NPAS3: variants seen among roughly 807,000 people sequenced by gnomAD.
The protein encoded by NPAS3 is neuronal PAS domain-containing protein 3.
In NPAS3, 14 loss-of-function variants were observed where a neutral mutation model predicts 73.1. That is an observed-to-expected ratio of 0.19 (90% CI 0.13 to 0.30). The LOEUF (loss-of-function observed/expected upper bound fraction) is 0.30, where lower values mean the gene tolerates loss of function less well. NPAS3 is among the 10% of genes least tolerant of loss of function. The pLI is 1.00. For missense variants in NPAS3, 1,096 were observed against 1,250.0 expected, an observed-to-expected ratio of 0.88 and a Z score of 1.86; for synonymous variants, 620 against 541.5, an observed-to-expected ratio of 1.14 and a Z score of -2.01.
At chr14:33,777,410 T>A (rs1256585208) in intron 8 of NPAS3, among the ~76,000 whole-genome samples, 2 of 152,064 alleles carry the variant, frequency 1.3e-5, no homozygotes, top group African/African-American at 4.8e-5. Flanking sequence ...GTAATATATT[T>A]TAATTATGTT....
At position 33,125,224 on chromosome 14, in the gene NPAS3, T is replaced by A. The variant is rs559801045; in HGVS notation, c.140+69230T>A. Among the ~76,000 whole-genome samples the A allele has an allele frequency of 2.0e-5, 3 of 152,156 alleles. No individual in the cohort carries two copies. In the South Asian group the frequency reaches 6.2e-4, roughly 32 times the overall value. Reference sequence around the variant, plus strand: ...GAAATTAATGGATTAATGAAGGAATTAAGTTTATTAATAATTTTTATAAGC... The same window carrying A: ...GAAATTAATGGATTAATGAAGGAATAAAGTTTATTAATAATTTTTATAAGC... On this transcript the variant is annotated intron_variant, in intron 2 of 11. Coordinates refer to ENST00000356141, the Ensembl canonical transcript of NPAS3.
chr14:33,143,839 T>A (rs2044145966), intron 2 of NPAS3, among the ~76,000 whole-genome samples: 1 of 152,240 alleles, frequency 6.6e-6, no homozygotes, highest in South Asian at 2.1e-4. Flanking sequence ...TGTGTCTGGT[T>A]TCTTTCACTG....
intron 7 of NPAS3, among the ~76,000 whole-genome samples, chr14:33,747,987 C>A (rs1222047196): frequency 1.3e-5 from 2 of 152,180 alleles, no homozygotes; most frequent in African/African-American, 4.8e-5. Context: ...CTTAACACAA[C>A]CTGACACTGT....
intron 2 of NPAS3, among the ~76,000 whole-genome samples, chr14:33,160,124 CTT>C (rs1425611347): frequency 1.3e-5 from 2 of 152,014 alleles, no homozygotes; most frequent in African/African-American, 4.8e-5. Context: ...TTTTTTCAAT[CTT>C]TGCAGGATAA....
intron 7 of NPAS3, among the ~76,000 whole-genome samples, chr14:33,759,664 A>G (rs2062222178): frequency 6.6e-6 from 1 of 152,244 alleles, no homozygotes; most frequent in Admixed American, 6.5e-5. Context: ...AAATGTATCT[A>G]GTAAAAAGAG....
At chr14:33,303,652 A>G (rs1168824342) in intron 3 of NPAS3, among the ~76,000 whole-genome samples, 1 of 152,252 alleles carries the variant, frequency 6.6e-6, no homozygotes, top group Non-Finnish European at 1.5e-5. Flanking sequence ...ATAGAAAACC[A>G]AATAAAACCT....
Position 33,647,290 on chromosome 14 carries a change from CTA to C in NPAS3, c.559-28904_559-28903del, listed in dbSNP as rs774453212. 3.5e-3 allele frequency among the ~76,000 whole-genome samples: 514 copies of C among 146,762 alleles called. 4 individuals are homozygous for C. The highest frequency in any genetic ancestry group is 6.1e-3 in the African/African-American group (237 of 39,050). On this transcript the variant is annotated intron_variant, in intron 5 of 11. Coordinates refer to ENST00000356141, the Ensembl canonical transcript of NPAS3. Reference sequence around the variant, plus strand: ...TCTTACTCTCTCTCTCTCTCTCTCTCTATATATATATATATATAGCCACATGA... The same window carrying C: ...TCTTACTCTCTCTCTCTCTCTCTCTCTATATATATATATATAGCCACATGA...
At chr14:33,514,568 A>G (rs1233896432) in intron 4 of NPAS3, among the ~76,000 whole-genome samples, 3 of 152,064 alleles carry the variant, frequency 2.0e-5, no homozygotes, top group South Asian at 2.1e-4. Context: ...AAATAATTTA[A>G]TCTTATCTAA....
intron 3 of NPAS3, among the ~76,000 whole-genome samples, chr14:33,261,573 T>G (rs902287458): frequency 2.6e-5 from 4 of 152,196 alleles, no homozygotes; most frequent in African/African-American, 9.6e-5. Flanking sequence ...ATGTTGCATT[T>G]AAACATTTTC....
intron 4 of NPAS3, among the ~76,000 whole-genome samples, chr14:33,462,893 A>G (rs2050337445): frequency 6.6e-6 from 1 of 152,228 alleles, no homozygotes; most frequent in Admixed American, 6.5e-5. Context: ...TAAAAGGGTG[A>G]GGATAAAATG....
chr14:33,302,834 T>C (rs141218659), intron 3 of NPAS3, among the ~76,000 whole-genome samples: 2 of 152,264 alleles, frequency 1.3e-5, no homozygotes, highest in East Asian at 3.9e-4. Context: ...TATTTCCACA[T>C]AGAGCAGTTA....
At chr14:33,396,604 A>G (rs556962550) in intron 4 of NPAS3, among the ~76,000 whole-genome samples, 1 of 152,194 alleles carries the variant, frequency 6.6e-6, no homozygotes, top group South Asian at 2.1e-4. Flanking sequence ...ATGGTTCTCT[A>G]TGATATCACA....
Position 33,785,360 on chromosome 14 carries a change from G to A in NPAS3, c.1153+6788G>A, listed in dbSNP as rs554971705. Reference sequence around the variant, plus strand: ...TGAGACAGGAGAATGGTGTGAACCCGGGAGGTGGAGCTTGCAGTGAGCCAA... The same window carrying A: ...TGAGACAGGAGAATGGTGTGAACCCAGGAGGTGGAGCTTGCAGTGAGCCAA... On this transcript the variant is annotated intron_variant, in intron 9 of 11. Coordinates refer to ENST00000356141, the Ensembl canonical transcript of NPAS3. Among the ~76,000 whole-genome samples, 87 of 150,614 alleles carry A rather than the reference G, an allele frequency of 5.8e-4. No individual in the cohort carries two copies. The South Asian group carries it at 0.016, about 28-fold the overall frequency.
At chr14:33,189,650 G>T (rs1020330269) in intron 2 of NPAS3, among the ~76,000 whole-genome samples, 10 of 152,138 alleles carry the variant, frequency 6.6e-5, no homozygotes, top group Non-Finnish European at 4.4e-5. Flanking sequence ...GTGACAAAAA[G>T]CCTAAAGCCA....
intron 1 of NPAS3, among the ~76,000 whole-genome samples, chr14:32,940,757 T>G (rs2035957405): frequency 6.6e-6 from 1 of 152,228 alleles, no homozygotes; most frequent in Non-Finnish European, 1.5e-5. Flanking sequence ...AAGGGGATAT[T>G]CAGACATCCA....
intron 2 of NPAS3, among the ~76,000 whole-genome samples, chr14:33,128,385 T>G (rs919374446): frequency 2.8e-4 from 42 of 152,180 alleles, no homozygotes; most frequent in Non-Finnish European, 3.5e-4. Context: ...TGGAAGAGAT[T>G]TTTCTGTTCT....
intron 5 of NPAS3, among the ~76,000 whole-genome samples, chr14:33,591,083 T>C (rs1304538469): frequency 1.3e-5 from 2 of 152,148 alleles, no homozygotes; most frequent in Non-Finnish European, 2.9e-5. Context: ...AAGAACATGA[T>C]GACTTCATTT....
intron 3 of NPAS3, among the ~76,000 whole-genome samples, chr14:33,287,400 G>A (rs867072924): frequency 2.4e-4 from 36 of 152,194 alleles, no homozygotes; most frequent in Non-Finnish European, 4.7e-4. Flanking sequence ...GGTGAGGCGT[G>A]TAGGTCCTGG....
chr14:33,111,326 C>T (rs1004122002), intron 2 of NPAS3, among the ~76,000 whole-genome samples: 12 of 152,268 alleles, frequency 7.9e-5, no homozygotes, highest in South Asian at 2.1e-4. Flanking sequence ...TAGGGTAGAG[C>T]GTAGAACGGT....
Sources: gnomAD v4.1 joint callset for allele counts (sites outside exome capture counted in the v4.1 genomes callset) on GRCh38, gnomAD v4.1.1 for gene constraint, MANE v1.5 for transcripts, NCBI Gene and HGNC (gene_info 2026-07-23, HGNC 2026-07-21) for gene names.